Variants in AKAP13 observed in about 807,000 individuals in gnomAD.
AKAP13 encodes the protein A-kinase anchor protein 13.
A neutral mutation model predicts 264.5 loss-of-function variants in AKAP13; 80 were observed. That is an observed-to-expected ratio of 0.30 (90% CI 0.25 to 0.36). The LOEUF (loss-of-function observed/expected upper bound fraction) is 0.36. Among genes scored for constraint, AKAP13 ranks in the 10% least tolerant of loss-of-function variants. The pLI, the probability that AKAP13 is intolerant of heterozygous loss-of-function variation, is 1.00. For synonymous variants in AKAP13, 1,380 were observed against 1,250.2 expected (o/e 1.10, Z -2.19); for missense variants, 3,712 against 3,435.2 (o/e 1.08, Z -2.01).
intron 1 of AKAP13, among the ~76,000 whole-genome samples, chr15:85,437,856 TATC>T (rs2073390595): frequency 6.6e-6 from 1 of 151,574 alleles, no homozygotes; most frequent in Non-Finnish European, 1.5e-5. Context: ...CCACAGCCAA[TATC>T]ATACTGAATG....
intron 13 of AKAP13, 118 bp from the exon 14 acceptor site, chr15:85,669,604 C>A: frequency 1.5e-6 from 1 of 676,656 alleles, no homozygotes; most frequent in Non-Finnish European, 2.5e-6. Context: ...GGCCTGTGCT[C>A]TCACCCGCTT....
chr15:85,533,997 A>T (rs915858040), intron 4 of AKAP13, 117 bp downstream of exon 4: 220 of 1,138,914 alleles, frequency 1.9e-4, no homozygotes, highest in Non-Finnish European at 6.9e-5. Context: ...GGCTGCGTAA[A>T]TCTTAGAATT....
intron 1 of AKAP13, among the ~76,000 whole-genome samples, chr15:85,406,766 G>C (rs2071688344): frequency 1.3e-5 from 2 of 151,702 alleles, no homozygotes; most frequent in Admixed American, 6.5e-5. Context: ...AATGTAATTA[G>C]ATTTCATAAC....
At chr15:85,661,062 CA>C (rs1454775134) in intron 12 of AKAP13, among the ~76,000 whole-genome samples, 1 of 152,218 alleles carries the variant, frequency 6.6e-6, no homozygotes. Flanking sequence ...TTATTGTCCA[CA>C]AGCTCTGCTT....
At chr15:85,732,771 C>T (rs1180389107) in intron 30 of AKAP13, among the ~76,000 whole-genome samples, 1 of 149,922 alleles carries the variant, frequency 6.7e-6, no homozygotes, top group South Asian at 2.1e-4. Context: ...ATTGCTAATA[C>T]TGTTAGTAAT....
intron 5 of AKAP13, among the ~76,000 whole-genome samples, chr15:85,573,612 T>TAAGGA (rs1451389305): frequency 6.6e-6 from 1 of 151,220 alleles, no homozygotes; most frequent in Admixed American, 6.6e-5. Context: ...GTTAATGTTG[T>TAAGGA]AAGGAAAGGA....
intron 1 of AKAP13, among the ~76,000 whole-genome samples, chr15:85,431,853 T>C (rs968945307): frequency 1.3e-5 from 2 of 152,238 alleles, no homozygotes; most frequent in Non-Finnish European, 1.5e-5. Flanking sequence ...CGATATAATC[T>C]GAAAGATAGA....
At chr15:85,456,027 C>T (rs1017795155) in intron 1 of AKAP13, among the ~76,000 whole-genome samples, 4 of 152,190 alleles carry the variant, frequency 2.6e-5, no homozygotes, top group African/African-American at 9.6e-5. Flanking sequence ...CTTTTATATA[C>T]TTTCACACAT....
At chr15:85,441,458 TTTAATTTTC>T (rs1311584311) in intron 1 of AKAP13, among the ~76,000 whole-genome samples, 10 of 152,164 alleles carry the variant, frequency 6.6e-5, no homozygotes, top group Non-Finnish European at 4.4e-5. Context: ...AGTCTTGTCT[TTTAATTTTC>T]TTGATGGTGT....
At chr15:85,393,308 A>G (rs1320063292) in intron 1 of AKAP13, among the ~76,000 whole-genome samples, 1 of 152,222 alleles carries the variant, frequency 6.6e-6, no homozygotes, top group African/African-American at 2.4e-5. Context: ...TTATTTGGGG[A>G]AAAAATACGG....
chr15:85,506,317 A>G (rs191989762), intron 2 of AKAP13, among the ~76,000 whole-genome samples: 3 of 152,248 alleles, frequency 2.0e-5, no homozygotes, highest in Admixed American at 2.0e-4. Flanking sequence ...TGTTTACAGA[A>G]AGAGAGACCA....
At chr15:85,552,044 C>T (rs1489519471) in intron 5 of AKAP13, among the ~76,000 whole-genome samples, 1 of 152,178 alleles carries the variant, frequency 6.6e-6, no homozygotes. Flanking sequence ...AACATTTTCA[C>T]TAAAACCATT....
intron 1 of AKAP13, among the ~76,000 whole-genome samples, chr15:85,440,297 CTCTGTT>C (rs1236461116): frequency 1.3e-5 from 2 of 152,132 alleles, no homozygotes; most frequent in Admixed American, 1.3e-4. Flanking sequence ...AACTTTATAG[CTCTGTT>C]TCTGTCAGGC....
At chr15:85,442,421 A>ACATAT (rs370698661) in intron 1 of AKAP13, among the ~76,000 whole-genome samples, 1 of 114,778 alleles carries the variant, frequency 8.7e-6, no homozygotes, top group African/African-American at 3.1e-5. Context: ...AAAAAAAAAA[A>ACATAT]AAATATATAT....
rs1372512731 is a variant in AKAP13 at position 85,743,609 on chromosome 15, T to G, written c.8176T>G (p.Ser2726Ala). ...ATCAGGGTCATTGGACTCAGAACTT[T>G]CAGTGTCCCCAAAAAGGAACAGCAT... ...AKSGSLDSEL[S>A]VSPKRNSISR... The change falls in exon 36 of 37, where the codon TCA (serine) becomes GCA (alanine). Residue 2726 changes from serine (S) to alanine (A), a missense_variant. By Grantham distance (99) the Ser-to-Ala change is moderately conservative. Around this residue, in one of 3 missense-constraint regions of AKAP13, gnomAD observed 611 missense variants for 539.3 expected, o/e 1.13. Coordinates refer to ENST00000394518, the MANE Select transcript of AKAP13 (RefSeq NM_007200.5). The G allele has an allele frequency of 2.5e-6, 4 of 1,614,132 alleles. No individual in the cohort carries two copies. Among genetic ancestry groups the G allele is most frequent in the East Asian group, 2.2e-5 (1 of 44,888 alleles).
chr15:85,729,702 C>T (rs1397581050), intron 29 of AKAP13, among the ~76,000 whole-genome samples: 1 of 151,914 alleles, frequency 6.6e-6, no homozygotes, highest in Non-Finnish European at 1.5e-5. Context: ...TTTGGGAGGC[C>T]AAGGCGGGCA....
intron 2 of AKAP13, among the ~76,000 whole-genome samples, chr15:85,492,542 G>A (rs4842886): frequency 0.51 from 77,263 of 152,034 alleles, 20,175 homozygotes; most frequent in Middle Eastern, 0.61. Context: ...AGTATACTCT[G>A]TTCCCCTTAA....
chr15:85,661,916 A>C (rs1490738171), intron 12 of AKAP13, among the ~76,000 whole-genome samples: 7 of 151,918 alleles, frequency 4.6e-5, no homozygotes, highest in Non-Finnish European at 7.4e-5. Flanking sequence ...AAAAAAAAAA[A>C]AAACCGGATG....
intron 8 of AKAP13, among the ~76,000 whole-genome samples, chr15:85,636,881 C>G (rs1017843071): frequency 5.9e-5 from 9 of 152,362 alleles, no homozygotes; most frequent in Middle Eastern, 3.4e-3. Context: ...TCCCAAAGTG[C>G]TGGGATTACA....
Sources: allele counts gnomAD v4.1 joint callset (sites outside exome capture counted in the v4.1 genomes callset), GRCh38; gene constraint gnomAD v4.1.1; regional missense constraint gnomAD v4.1.1; transcripts MANE v1.5; gene names NCBI Gene and HGNC (gene_info 2026-07-23, HGNC 2026-07-21).